CLIP4: variants seen among roughly 807,000 people sequenced by gnomAD.
The protein encoded by CLIP4 is CAP-Gly domain containing linker protein family member 4.
Under a neutral mutation model 73.1 loss-of-function variants are expected in CLIP4, and 47 were observed. That is an observed-to-expected ratio of 0.64 (90% confidence interval 0.51 to 0.82). The LOEUF (loss-of-function observed/expected upper bound fraction) is 0.82. CLIP4 is among the 40% of genes least tolerant of loss of function. The pLI, the probability that CLIP4 is intolerant of heterozygous loss-of-function variation, is 0.00. For synonymous variants in CLIP4, 306 were observed against 295.4 expected (o/e 1.04, Z -0.37); for missense variants, 874 against 852.9 (o/e 1.02, Z -0.31).
intron 8 of CLIP4, among the ~76,000 whole-genome samples, chr2:29,149,688 C>G (rs1275663669): frequency 9.5e-5 from 14 of 148,138 alleles, no homozygotes; most frequent in Non-Finnish European, 8.9e-5. Context: ...CCAGTCATTG[C>G]TTTACATTTA....
chr2:29,101,312 GAAAAA>G (rs75588803), intron 1 of CLIP4, among the ~76,000 whole-genome samples: 6 of 105,394 alleles, frequency 5.7e-5, no homozygotes, highest in African/African-American at 2.1e-4. Flanking sequence ...AAAAAAAAAA[GAAAAA>G]AAAAAAAAGT....
intron 1 of CLIP4, among the ~76,000 whole-genome samples, chr2:29,107,432 T>C (rs192291712): frequency 0.029 from 3,658 of 127,222 alleles, 136 homozygotes; most frequent in East Asian, 0.11. Flanking sequence ...AGTGCAGTGG[T>C]GCGATATTGG....
At chr2:29,169,144 G>A (rs955939185) in intron 14 of CLIP4, among the ~76,000 whole-genome samples, 1 of 152,138 alleles carries the variant, frequency 6.6e-6, no homozygotes, top group Non-Finnish European at 1.5e-5. Flanking sequence ...TGTATTAGTT[G>A]CTAGGGATGC....
chr2:29,136,374 T>C (rs1665360370), intron 6 of CLIP4, among the ~76,000 whole-genome samples: 1 of 152,152 alleles, frequency 6.6e-6, no homozygotes, highest in Non-Finnish European at 1.5e-5. Flanking sequence ...TTTTCCCTAC[T>C]TCTTTGCCAG....
At chr2:29,125,615 CT>C (rs1664551312) in intron 2 of CLIP4, among the ~76,000 whole-genome samples, 2 of 152,190 alleles carry the variant, frequency 1.3e-5, no homozygotes, top group African/African-American at 2.4e-5. Context: ...TTGGTTCCCC[CT>C]GCCCCACCCC....
chr2:29,129,674 C>T (rs528114305), intron 2 of CLIP4, among the ~76,000 whole-genome samples: 1 of 151,856 alleles, frequency 6.6e-6, no homozygotes, highest in East Asian at 1.9e-4. Flanking sequence ...TTTAGAGAAG[C>T]TATTTTTGAG....
intron 6 of CLIP4, among the ~76,000 whole-genome samples, chr2:29,136,411 T>G (rs1179990866): frequency 1.3e-5 from 2 of 152,104 alleles, no homozygotes; most frequent in Non-Finnish European, 2.9e-5. Context: ...CCCCCTTGAT[T>G]ACCCCCCAAC....
intron 7 of CLIP4, among the ~76,000 whole-genome samples, chr2:29,144,235 G>A (rs1665991282): frequency 6.6e-6 from 1 of 152,164 alleles, no homozygotes; most frequent in South Asian, 2.1e-4. Context: ...GATCTAAGGT[G>A]GAGGATTATC....
At chr2:29,120,604 C>G (rs541358784) in intron 1 of CLIP4, among the ~76,000 whole-genome samples, 2 of 152,208 alleles carry the variant, frequency 1.3e-5, no homozygotes, top group East Asian at 3.9e-4. Flanking sequence ...TAGTAAAGAT[C>G]GGATACAAAA....
chr2:29,098,682 G>C (rs753947863), intron 1 of CLIP4, among the ~76,000 whole-genome samples: 1 of 152,118 alleles, frequency 6.6e-6, no homozygotes, highest in Non-Finnish European at 1.5e-5. Flanking sequence ...TTCACGTATC[G>C]GTTCTCGTGT....
Position 29,125,331 on chromosome 2 carries a change from G to C in CLIP4, c.133+3810G>C, listed in dbSNP as rs555813116. Among the ~76,000 whole-genome samples the C allele has an allele frequency of 4.5e-4, 68 of 152,280 alleles. 1 individual carries two copies. The highest frequency in any genetic ancestry group is 1.6e-3 in the African/African-American group (66 of 41,566). On this transcript the variant is annotated intron_variant, in intron 2 of 15. Coordinates refer to ENST00000320081, the MANE Select transcript of CLIP4 (RefSeq NM_024692.6). ...ACTAATCCCTGTAGTCCTTATGGAT[G>C]GTTCTTTCCCTTACTTCAAGTATTT...
chr2:29,142,827 A>T (rs746274465), intron 6 of CLIP4, among the ~76,000 whole-genome samples: 10 of 152,332 alleles, frequency 6.6e-5, no homozygotes, highest in Middle Eastern at 6.8e-3. Flanking sequence ...ATTATTTCTC[A>T]TGAAGTCTAA....
chr2:29,106,247 T>C (rs1668204303), intron 1 of CLIP4, among the ~76,000 whole-genome samples: 1 of 152,214 alleles, frequency 6.6e-6, no homozygotes. Context: ...CTTAGAACAA[T>C]GCACATCGCA....
At chr2:29,101,631 C>T (rs1449773333) in intron 1 of CLIP4, among the ~76,000 whole-genome samples, 1 of 152,098 alleles carries the variant, frequency 6.6e-6, no homozygotes, top group Non-Finnish European at 1.5e-5. Context: ...TTGACAACAC[C>T]CTCACCGACA....
chr2:29,104,825 GCC>G (rs1450965403), intron 1 of CLIP4, among the ~76,000 whole-genome samples: 2 of 152,200 alleles, frequency 1.3e-5, no homozygotes, highest in African/African-American at 4.8e-5. Context: ...GACAAGCTGA[GCC>G]TTGAGAGGCA....
chr2:29,140,315 T>C (rs1280380639), intron 6 of CLIP4, among the ~76,000 whole-genome samples: 4 of 151,832 alleles, frequency 2.6e-5, no homozygotes, highest in African/African-American at 9.7e-5. Context: ...CACCTATGAG[T>C]GAGAATATGC....
intron 8 of CLIP4, among the ~76,000 whole-genome samples, chr2:29,149,109 C>CA (rs1442353656): frequency 6.6e-6 from 1 of 152,180 alleles, no homozygotes; most frequent in African/African-American, 2.4e-5. Flanking sequence ...ACCTGCTACT[C>CA]AGCTTTGCTG....
Position 29,181,847 on chromosome 2 carries a change from C to T in CLIP4, c.2072C>T (p.Thr691Ile). ...GTCTTAGTTCGACCGAGCAGAGTGA[C>T]CTATCGGGGAATTAATGGGTCAAAA... ...HGVLVRPSRV[T>I]YRGINGSKLV... The change falls in exon 16 of 16, where the codon ACC becomes ATC. Residue 691 changes from threonine (T) to isoleucine (I), a missense_variant. Physicochemically the swap from Thr to Ile is moderately conservative, Grantham distance 89. Transcript: ENST00000320081. The T allele has an allele frequency of 1.2e-6, 2 of 1,613,714 alleles. No individual in the cohort carries two copies. Among genetic ancestry groups the T allele is most frequent in the South Asian group, 1.1e-5 (1 of 91,056 alleles).
chr2:29,133,922 A>G, intron 5 of CLIP4, 106 bp downstream of exon 5: 1 of 944,128 alleles, frequency 1.1e-6, no homozygotes, highest in East Asian at 2.6e-5. Context: ...ATCTTGTTTC[A>G]TATGCCTTTC....
Sources: gnomAD v4.1 joint callset for allele counts (sites outside exome capture counted in the v4.1 genomes callset) on GRCh38, gnomAD v4.1.1 for gene constraint, MANE v1.5 for transcripts, NCBI Gene and HGNC (gene_info 2026-07-23, HGNC 2026-07-21) for gene names.